Variants in ZNF729 observed in about 807,000 individuals in gnomAD.
ZNF729 encodes the protein zinc finger protein 729.
ZNF729 carries 15 observed loss-of-function variants against 12.2 expected under a neutral mutation model. The observed-to-expected ratio is 1.23, with a 90% CI of 0.82 to 1.89. The LOEUF is 1.89. Among genes scored for constraint, ZNF729 ranks in the 40% most tolerant of loss-of-function variants. The pLI is 0.00. For synonymous variants in ZNF729, 492 were observed against 476.3 expected, an observed-to-expected ratio of 1.03 and a Z score of -0.43; for missense variants, 1,540 against 1,456.7, an observed-to-expected ratio of 1.06 and a Z score of -0.93.
chr19:22,316,228 A>C lies in ZNF729; in HGVS notation c.2811A>C (p.Lys937Asn). The C allele has an allele frequency of 6.2e-7, 1 of 1,613,612 alleles. No individual in the cohort carries two copies. The highest frequency in any genetic ancestry group is 1.3e-5 in the African/African-American group (1 of 75,014). The change falls in exon 4 of 4, where the codon AAA (lysine) becomes AAC (asparagine). Residue 937 changes from lysine (K) to asparagine (N), a missense_variant. Physicochemically the swap from Lys to Asn is moderately conservative, Grantham distance 94 (BLOSUM62 0). Coordinates refer to ENST00000601693, the MANE Select transcript of ZNF729 (RefSeq NM_001242680.2). ...KIIHTGKKPY[K>N]CEECGKAFND... ...TTCATACTGGAAAGAAACCCTACAA[A>C]TGTGAAGAATGTGGCAAAGCTTTTA... is the stretch of plus-strand genomic sequence containing the variant.
intron 1 of ZNF729, among the ~76,000 whole-genome samples, chr19:22,294,037 T>C (rs1968190836): frequency 6.6e-6 from 1 of 152,200 alleles, no homozygotes; most frequent in African/African-American, 2.4e-5. Context: ...CATAAAATCT[T>C]TGTTAGTTCC....
intron 3 of ZNF729, among the ~76,000 whole-genome samples, chr19:22,309,360 G>C (rs1968423005): frequency 6.6e-6 from 1 of 152,124 alleles, no homozygotes; most frequent in Non-Finnish European, 1.5e-5. Context: ...CAGGAGAATT[G>C]CTTGAATCCA....
chr19:22,315,941 C>G lies in ZNF729; in HGVS notation c.2524C>G (p.His842Asp). 1 of 1,610,682 alleles carries G rather than the reference C, an allele frequency of 6.2e-7. No homozygotes were observed. The highest frequency in any genetic ancestry group is 8.5e-7 in the Non-Finnish European group (1 of 1,179,610). The stretch of plus-strand genomic sequence containing the variant: ...TAAGCATTTCTCAGCCCTTAGAAAA[C>G]ATAAGGTAATTCATACTGGAAAGAA... ...AFKHFSALRKHKVIHTGKKPY... is the reference protein window; with the variant it reads ...AFKHFSALRKDKVIHTGKKPY... The change falls in exon 4 of 4, where the codon CAT (histidine) becomes GAT (aspartate). Residue 842 changes from histidine to aspartate, a missense_variant. His to Asp is a moderately conservative substitution (Grantham distance 81). Transcript: ENST00000601693.
chr19:22,290,945 T>A (rs1290960971), intron 1 of ZNF729, among the ~76,000 whole-genome samples: 2 of 152,148 alleles, frequency 1.3e-5, no homozygotes, highest in Non-Finnish European at 1.5e-5. Flanking sequence ...TATAATATTA[T>A]TGAACTTGAA....
chr19:22,305,797 TTTAA>T, intron 3 of ZNF729, among the ~76,000 whole-genome samples: 1 of 152,268 alleles, frequency 6.6e-6, no homozygotes, highest in South Asian at 2.1e-4. Context: ...TTCTTTTTCT[TTTAA>T]TTAATTAATT....
Position 22,314,609 on chromosome 19 carries a change from C to G in ZNF729, c.1192C>G (p.His398Asp). The G allele has an allele frequency of 1.9e-6, 3 of 1,612,034 alleles. No homozygotes were observed. Among genetic ancestry groups the G allele is most frequent in the Non-Finnish European group, 2.5e-6 (3 of 1,179,884 alleles). ...AAAACTTACTGTACATAAGGTAGTT[C>G]ATACTGGAGAGAAACCCTACAAATG... ...SSKLTVHKVV[H>D]TGEKPYKCEE... Residue 398 changes from histidine to aspartate, a missense_variant, in exon 4 of 4, where the codon CAT (histidine) becomes GAT (aspartate). By Grantham distance (81) the His-to-Asp change is moderately conservative (BLOSUM62 -1). Coordinates refer to ENST00000601693, the MANE Select transcript of ZNF729 (RefSeq NM_001242680.2).
chr19:22,316,516 A>T lies in ZNF729; in HGVS notation c.3099A>T (p.Ser1033=), dbSNP rs1968544640. ...EECVKAFNNF[S]ALMKHKIIHT... ...GTGTCAAAGCTTTTAACAATTTCTC[A>T]GCCCTTATGAAACATAAGATAATTC... is the stretch of plus-strand genomic sequence containing the variant. Residue 1033 remains serine (S), a synonymous_variant, in exon 4 of 4, where the codon TCA becomes TCT. Transcript: ENST00000601693. The T allele has an allele frequency of 3.7e-6, 6 of 1,613,716 alleles. No individual in the cohort carries two copies. The highest frequency in any genetic ancestry group is 2.7e-5 in the African/African-American group (2 of 75,046).
chr19:22,287,613 A>G (rs1239788641), intron 1 of ZNF729, among the ~76,000 whole-genome samples: 1 of 151,714 alleles, frequency 6.6e-6, no homozygotes, highest in East Asian at 1.9e-4. Context: ...GAGCCACCTC[A>G]GTCTAATTGC....
chr19:22,289,106 A>G (rs1158234396), intron 1 of ZNF729, among the ~76,000 whole-genome samples: 1 of 149,888 alleles, frequency 6.7e-6, no homozygotes, highest in African/African-American at 2.4e-5. Flanking sequence ...TCAGTTTTTT[A>G]ACTGTGAATT....
At chr19:22,293,542 G>T (rs1040152973) in intron 1 of ZNF729, among the ~76,000 whole-genome samples, 1 of 106,982 alleles carries the variant, frequency 9.3e-6, no homozygotes, top group African/African-American at 3.6e-5. Context: ...TCCCAGGCTG[G>T]AGTGCAATGG....
Position 22,313,854 on chromosome 19 carries a change from G to A in ZNF729, c.437G>A (p.Arg146Lys). ...GGTTATAATAAACTTAACCAATGCA[G>A]GACAGCTACCCAGAGAAAAATATTT... Reference protein sequence around the residue: ...KEGYNKLNQCRTATQRKIFQC... With the variant: ...KEGYNKLNQCKTATQRKIFQC... The change falls in exon 4 of 4, where the codon AGG (arginine) becomes AAG (lysine). Residue 146 changes from arginine (R) to lysine (K), a missense_variant. Arg to Lys is a conservative substitution (Grantham distance 26, BLOSUM62 2). Coordinates refer to ENST00000601693, the MANE Select transcript of ZNF729 (RefSeq NM_001242680.2). The A allele has an allele frequency of 1.3e-6, 2 of 1,569,924 alleles. No homozygotes were observed. Among genetic ancestry groups the A allele is most frequent in the Middle Eastern group, 3.4e-4 (2 of 5,942 alleles).
chr19:22,313,725 C>G lies in ZNF729; in HGVS notation c.308C>G (p.Ser103Cys). The G allele has an allele frequency of 6.4e-7, 1 of 1,565,998 alleles. No individual in the cohort carries two copies. The highest frequency in any genetic ancestry group is 8.6e-7 in the Non-Finnish European group (1 of 1,161,914). ...TGGCCAGATCAGAGCACAAAAGATT[C>G]TTTCCAAGAAGTAATACTGAGAACA... ...DLWPDQSTKD[S>C]FQEVILRTYA... The change falls in exon 4 of 4, where the codon TCT (serine) becomes TGT (cysteine). Residue 103 changes from serine (S) to cysteine (C), a missense_variant. Transcript: ENST00000601693.
chr19:22,304,725 G>T lies in ZNF729; in HGVS notation c.195G>T (p.Leu65=), dbSNP rs1178897682. ...AVFKPDLITC[L]KQGKEPWNMK... is the part of the protein sequence containing the mutation. ...TTAAGCCAGACTTGATAACTTGTCT[G>T]AAGCAAGGGAAAGAGCCTTGGAATA... is the stretch of plus-strand genomic sequence containing the variant. Residue 65 remains leucine, a synonymous_variant, in exon 3 of 4, where the codon CTG becomes CTT. Coordinates refer to ENST00000601693, the MANE Select transcript of ZNF729 (RefSeq NM_001242680.2). 3.7e-6 allele frequency: 6 copies of T among 1,613,084 alleles called. No homozygotes were observed. The Admixed American group carries it at 1.0e-4, about 27-fold the overall frequency.
In ZNF729 at chr19:22,314,613, C is replaced by A; in HGVS notation, c.1196C>A (p.Thr399Asn). ...CTTACTGTACATAAGGTAGTTCATA[C>A]TGGAGAGAAACCCTACAAATGTGAA... is the stretch of plus-strand genomic sequence containing the variant. ...SKLTVHKVVH[T>N]GEKPYKCEEC... is the part of the protein sequence containing the mutation. Residue 399 changes from threonine to asparagine, a missense_variant, in exon 4 of 4, where the codon ACT becomes AAT. By Grantham distance (65) the Thr-to-Asn change is moderately conservative. Transcript: ENST00000601693. 1.9e-6 allele frequency: 3 copies of A among 1,612,162 alleles called. No homozygotes were observed. The highest frequency in any genetic ancestry group is 2.5e-6 in the Non-Finnish European group (3 of 1,179,896).
Position 22,314,007 on chromosome 19 carries a change from G to A in ZNF729, c.590G>A (p.Arg197Gln), listed in dbSNP as rs759701802. Residue 197 changes from arginine (R) to glutamine (Q), a missense_variant, in exon 4 of 4, where the codon CGA becomes CAA. Coordinates refer to ENST00000601693, the MANE Select transcript of ZNF729 (RefSeq NM_001242680.2). ...KSFFMLSCLI[R>Q]HKRIHIRQNI... ...TTTTTCATGCTTTCATGCTTAATTC[G>A]ACATAAGAGAATTCATATTAGACAG... 3.6e-5 allele frequency: 55 copies of A among 1,539,350 alleles called. No homozygotes were observed. In the Admixed American group the frequency reaches 4.0e-4, roughly 11 times the overall value.
intron 3 of ZNF729, among the ~76,000 whole-genome samples, chr19:22,310,256 G>A (rs1404839507): frequency 6.6e-6 from 1 of 151,942 alleles, no homozygotes; most frequent in Non-Finnish European, 1.5e-5. Flanking sequence ...GAAGCATGGC[G>A]AGAGTGGGCA....
intron 3 of ZNF729, among the ~76,000 whole-genome samples, chr19:22,305,038 A>G (rs1968361731): frequency 6.6e-6 from 1 of 152,218 alleles, no homozygotes; most frequent in African/African-American, 2.4e-5. Flanking sequence ...TTCATGGCGT[A>G]TAAGGGACTG....
Position 22,303,890 on chromosome 19 carries a change from G to T in ZNF729, c.157+6G>T, listed in dbSNP as rs1968347350. The T allele has an allele frequency of 6.4e-7, 1 of 1,561,790 alleles. No individual in the cohort carries two copies. Among genetic ancestry groups the T allele is most frequent in the Middle Eastern group, 1.7e-4 (1 of 5,766 alleles). On this transcript the variant is annotated splice_donor_region_variant and intron_variant, in intron 2 of 3. Coordinates refer to ENST00000601693, the MANE Select transcript of ZNF729 (RefSeq NM_001242680.2). ...CAGAAACCTGGTCTTCCTGGGTGAG[G>T]ATAATTTTAATTAAGCAATTCCTAT...
chr19:22,314,960 C>T lies in ZNF729; in HGVS notation c.1543C>T (p.Pro515Ser), dbSNP rs1345614022. 1 of 1,611,956 alleles carries T rather than the reference C, an allele frequency of 6.2e-7. No individual in the cohort carries two copies. ...TAAGATAATTCATACTGGAAAGAAA[C>T]CCTACAAATGTGAAGAATGTGGGAA... ...RHKIIHTGKK[P>S]YKCEECGKAF... is the part of the protein sequence containing the mutation. The change falls in exon 4 of 4, where the codon CCC becomes TCC. Residue 515 changes from proline (P) to serine (S), a missense_variant. Coordinates refer to ENST00000601693, the MANE Select transcript of ZNF729 (RefSeq NM_001242680.2).
Sources: gnomAD v4.1 joint callset for allele counts (sites outside exome capture counted in the v4.1 genomes callset) on GRCh38, gnomAD v4.1.1 for gene constraint, MANE v1.5 for transcripts, NCBI Gene and HGNC (gene_info 2026-07-23, HGNC 2026-07-21) for gene names.